Variants in CAPZB observed in about 807,000 individuals in gnomAD.
The protein encoded by CAPZB is F-actin-capping protein subunit beta.
CAPZB carries 2 observed loss-of-function variants against 38.1 expected under a neutral mutation model. The observed-to-expected ratio is 0.05, with a 90% CI of 0.02 to 0.17. CAPZB has a LOEUF of 0.17. Among genes scored for constraint, CAPZB ranks in the 10% least tolerant of loss-of-function variants. The pLI is 1.00. For missense variants in CAPZB, 161 were observed against 334.2 expected, an observed-to-expected ratio of 0.48 and a Z score of 4.04; for synonymous variants, 107 against 127.4, an observed-to-expected ratio of 0.84 and a Z score of 1.08.
chr1:19,383,966 T>C (rs1476711025), intron 3 of CAPZB, among the ~76,000 whole-genome samples: 1 of 152,146 alleles, frequency 6.6e-6, no homozygotes. Flanking sequence ...ATTTCAACTC[T>C]AGTCTGTGGT....
Position 19,393,743 on chromosome 1 carries a change from G to A in CAPZB, c.94-8117C>T, listed in dbSNP as rs142630628. ...TCACGGCAGACCCAAGGTGCCTGGG[G>A]TCGCCTGGGAAGGGCTGCAGGGCTG... On this transcript the variant is annotated intron_variant, in intron 2 of 8. Transcript: ENST00000264202. Among the ~76,000 whole-genome samples, 654 of 152,368 alleles carry A rather than the reference G, an allele frequency of 4.3e-3. 12 individuals carry two copies. The highest frequency in any genetic ancestry group is 0.015 in the African/African-American group (629 of 41,596).
intron 1 of CAPZB, among the ~76,000 whole-genome samples, chr1:19,477,870 C>T (rs1448952771): frequency 6.6e-6 from 1 of 152,206 alleles, no homozygotes; most frequent in Non-Finnish European, 1.5e-5. Context: ...CTGACACACA[C>T]CACAGCACCT....
At position 19,347,113 on chromosome 1, in the gene CAPZB, T is replaced by C. The variant is rs565267744; in HGVS notation, c.589-1861A>G. On this transcript the variant is annotated intron_variant, in intron 6 of 8. Coordinates refer to ENST00000264202, the MANE Select transcript of CAPZB (RefSeq NM_004930.5). ...GCCTCAGCCTCCCGAAGTGCTGGGATTACAAGTATGAGCCACTGCACCTGG... is the reference window on the plus strand; with the variant it reads ...GCCTCAGCCTCCCGAAGTGCTGGGACTACAAGTATGAGCCACTGCACCTGG... 2.2e-4 allele frequency among the ~76,000 whole-genome samples: 34 copies of C among 152,158 alleles called. No homozygotes were observed. The East Asian group carries it at 5.2e-3, about 23-fold the overall frequency.
chr1:19,471,730 G>T (rs1342518500), intron 1 of CAPZB, among the ~76,000 whole-genome samples: 2 of 152,098 alleles, frequency 1.3e-5, no homozygotes, highest in Admixed American at 6.6e-5. Context: ...AGCCAGGCGT[G>T]GTGGCGGGCG....
intron 1 of CAPZB, chr1:19,449,000 G>C (rs931077101): frequency 7.0e-6 from 11 of 1,574,134 alleles, no homozygotes. Context: ...ACGTGACTAG[G>C]GACGCTGCCC....
chr1:19,360,200 C>T (rs943215053), intron 4 of CAPZB, among the ~76,000 whole-genome samples: 1 of 152,328 alleles, frequency 6.6e-6, no homozygotes, highest in East Asian at 1.9e-4. Context: ...ATACTACCAA[C>T]GGAAGAGCAA....
chr1:19,418,150 A>G lies in CAPZB; in HGVS notation c.93+1511T>C, dbSNP rs1190950811. ...GACTCTGTCACCAAAAAAAAAAAAA[A>G]AAAAAAAAAAAAAAACCACCACACA... On this transcript the variant is annotated intron_variant, in intron 2 of 8. Transcript: ENST00000264202. Among the ~76,000 whole-genome samples, 13 of 147,104 alleles carry G rather than the reference A, an allele frequency of 8.8e-5. No homozygotes were observed. In the East Asian group the frequency reaches 2.3e-3, roughly 26 times the overall value.
chr1:19,440,174 G>A (rs1011208902), intron 1 of CAPZB, among the ~76,000 whole-genome samples: 1 of 152,080 alleles, frequency 6.6e-6, no homozygotes, highest in African/African-American at 2.4e-5. Flanking sequence ...CTGAAGCAGG[G>A]TCTTGCTTGC....
chr1:19,358,989 C>A (rs1390949178), intron 4 of CAPZB, among the ~76,000 whole-genome samples: 1 of 152,172 alleles, frequency 6.6e-6, no homozygotes, highest in Admixed American at 6.5e-5. Flanking sequence ...TACTAAGGGA[C>A]CAGCGGTGTG....
At chr1:19,455,659 C>T (rs994990673) in intron 1 of CAPZB, among the ~76,000 whole-genome samples, 6 of 152,112 alleles carry the variant, frequency 3.9e-5, no homozygotes, top group African/African-American at 1.2e-4. Flanking sequence ...GGATTTGCAT[C>T]CTGCTTGATA....
intron 2 of CAPZB, among the ~76,000 whole-genome samples, chr1:19,409,397 G>A (rs2100425715): frequency 6.6e-6 from 1 of 152,192 alleles, no homozygotes; most frequent in South Asian, 2.1e-4. Flanking sequence ...CATGAAGGAG[G>A]CTTTTCCAGC....
intron 2 of CAPZB, among the ~76,000 whole-genome samples, chr1:19,408,781 T>G (rs1243884432): frequency 6.6e-6 from 1 of 152,178 alleles, no homozygotes; most frequent in Non-Finnish European, 1.5e-5. Flanking sequence ...AGTGGCAGAC[T>G]CAAAGCCACA....
At chr1:19,479,208 T>TCAAA (rs1409774580) in intron 1 of CAPZB, among the ~76,000 whole-genome samples, 1 of 152,074 alleles carries the variant, frequency 6.6e-6, no homozygotes, top group East Asian at 1.9e-4. Flanking sequence ...AGACTCTGTC[T>TCAAA]CAAACAAACA....
intron 1 of CAPZB, among the ~76,000 whole-genome samples, chr1:19,435,150 T>G (rs2094454394): frequency 6.6e-6 from 1 of 152,184 alleles, no homozygotes; most frequent in South Asian, 2.1e-4. Context: ...CCTTTTTGGT[T>G]CTTTTGGGTA....
chr1:19,423,480 T>C (rs948233149), intron 1 of CAPZB, among the ~76,000 whole-genome samples: 2 of 151,556 alleles, frequency 1.3e-5, no homozygotes, highest in African/African-American at 4.9e-5. Context: ...GCTGTCACTT[T>C]TATATAAAGC....
At chr1:19,342,932 G>T in intron 8 of CAPZB, 1 of 952,520 alleles carries the variant, frequency 1.0e-6, no homozygotes. Flanking sequence ...GAACGCAGGG[G>T]GCCACAGCTG....
At chr1:19,451,336 G>A (rs182886927) in intron 1 of CAPZB, among the ~76,000 whole-genome samples, 32 of 152,260 alleles carry the variant, frequency 2.1e-4, no homozygotes, top group Non-Finnish European at 4.4e-5. Context: ...AACAGGGAAC[G>A]GAAACAACAG....
At chr1:19,407,078 G>A (rs2094335945) in intron 2 of CAPZB, among the ~76,000 whole-genome samples, 1 of 152,170 alleles carries the variant, frequency 6.6e-6, no homozygotes, top group South Asian at 2.1e-4. Flanking sequence ...CAGACTAACA[G>A]CCTAGAAACA....
intron 2 of CAPZB, among the ~76,000 whole-genome samples, chr1:19,411,880 T>C (rs559709618): frequency 6.6e-6 from 1 of 152,246 alleles, no homozygotes; most frequent in East Asian, 1.9e-4. Flanking sequence ...CACTACTAGG[T>C]GGCAGGTCCT....
Sources: gnomAD v4.1 joint callset for allele counts (sites outside exome capture counted in the v4.1 genomes callset) on GRCh38, gnomAD v4.1.1 for gene constraint, MANE v1.5 for transcripts, NCBI Gene and HGNC (gene_info 2026-07-23, HGNC 2026-07-21) for gene names.